The following PXMP4 variants were observed in gnomAD, a reference collection of about 807,000 sequenced individuals.
PXMP4 encodes 24 kDa peroxisomal intrinsic membrane protein.
In PXMP4, 16 loss-of-function variants were observed where a neutral mutation model predicts 21.6. The ratio of observed to expected loss-of-function variants is 0.74; its 90% CI spans 0.50 to 1.13. The LOEUF is 1.13. Ranked by LOEUF, PXMP4 falls within the 50% of genes most tolerant of loss-of-function variation. PXMP4 has a pLI of 0.00. For synonymous variants in PXMP4, 127 were observed against 123.8 expected, an observed-to-expected ratio of 1.03 and a Z score of -0.17; for missense variants, 240 against 277.7, an observed-to-expected ratio of 0.86 and a Z score of 0.96.
chr20:33,706,334 G>A lies in PXMP4; in HGVS notation c.*1372C>T, dbSNP rs2018256541. 6.6e-6 allele frequency: 1 copy of A among 151,828 alleles called. No individual in the cohort carries two copies. Among genetic ancestry groups the A allele is most frequent in the Non-Finnish European group, 1.5e-5 (1 of 67,968 alleles). The allele number at this position is 151,828 out of a possible 1,614,324, so 9.4% of individuals were successfully genotyped here. On this transcript the variant is annotated 3_prime_UTR_variant, in exon 4 of 4. Coordinates refer to ENST00000409299, the MANE Select transcript of PXMP4 (RefSeq NM_007238.5). ...AGGCTAGGGGCAGTGGCTCATGCCT[G>A]TAATCATGGCACTTTGGGAGACTGA...
intron 1 of PXMP4, 55 bp from the exon 2 acceptor site, chr20:33,714,791 T>A (rs551775755): frequency 1.3e-6 from 2 of 1,567,882 alleles, no homozygotes; most frequent in East Asian, 4.5e-5. Flanking sequence ...CACTTTCTTT[T>A]TGGGCTGTCC....
At chr20:33,709,449 C>T (rs1175088497) in intron 3 of PXMP4, among the ~76,000 whole-genome samples, 1 of 152,196 alleles carries the variant, frequency 6.6e-6, no homozygotes, top group Admixed American at 6.5e-5. Flanking sequence ...TTATGAAAAC[C>T]TTACTTCAGG....
At chr20:33,711,981 T>C (rs1403961314) in intron 2 of PXMP4, among the ~76,000 whole-genome samples, 1 of 136,146 alleles carries the variant, frequency 7.3e-6, no homozygotes, top group Non-Finnish European at 1.6e-5. Flanking sequence ...TCTCTAAAAA[T>C]TAAAAAAAAA....
At chr20:33,709,184 C>T (rs1204546854) in intron 3 of PXMP4, among the ~76,000 whole-genome samples, 2 of 152,104 alleles carry the variant, frequency 1.3e-5, no homozygotes, top group Non-Finnish European at 2.9e-5. Flanking sequence ...GTCCCAGCTA[C>T]TTGGGAGGCT....
intron 1 of PXMP4, among the ~76,000 whole-genome samples, chr20:33,718,878 G>C (rs1037861780): frequency 1.1e-4 from 16 of 152,254 alleles, no homozygotes; most frequent in South Asian, 2.1e-4. Context: ...AATAGATAAA[G>C]TTATGGCCTC....
chr20:33,719,950 TG>T (rs2018429619), intron 1 of PXMP4, 144 bp downstream of exon 1: 2 of 739,146 alleles, frequency 2.7e-6, no homozygotes, highest in Non-Finnish European at 4.3e-6. Context: ...CAGCTCCCAT[TG>T]CACAGATGGT....
Position 33,710,876 on chromosome 20 carries a change from C to T in PXMP4, c.177-123G>A. ...GAGTAATGCTCATTCAGTCACCGGC[C>T]TCTACCCTTCATGTTCTCTCCCTTG... On this transcript the variant is annotated intron_variant, in intron 2 of 3. Transcript: ENST00000409299. 4.2e-6 allele frequency: 4 copies of T among 950,988 alleles called. No individual in the cohort carries two copies. In the South Asian group the frequency reaches 7.1e-5, roughly 17 times the overall value. The allele number at this position is 950,988 out of a possible 1,614,324, so 58.9% of individuals were successfully genotyped here.
intron 1 of PXMP4, among the ~76,000 whole-genome samples, chr20:33,717,836 G>A (rs941805279): frequency 4.6e-5 from 7 of 151,876 alleles, no homozygotes; most frequent in African/African-American, 1.5e-4. Context: ...AAAGACAGTG[G>A]TATTTGGGCC....
intron 2 of PXMP4, among the ~76,000 whole-genome samples, chr20:33,714,407 T>C (rs2018362192): frequency 6.6e-6 from 1 of 151,988 alleles, no homozygotes; most frequent in African/African-American, 2.4e-5. Context: ...TAGTCCCAGC[T>C]ACTCAGGAGA....
At chr20:33,714,556 A>C in intron 2 of PXMP4, 118 bp downstream of exon 2, 1 of 1,035,612 alleles carries the variant, frequency 9.7e-7, no homozygotes, top group Non-Finnish European at 1.5e-6. Context: ...ACAACAAAAA[A>C]AGAGTTGAAC....
chr20:33,705,634 T>C lies in PXMP4; in HGVS notation c.*2072A>G, dbSNP rs1601200380. 6.6e-6 allele frequency: 1 copy of C among 150,576 alleles called. No homozygotes were observed. 9.3% of individuals were successfully genotyped at this position (150,576 alleles called of 1,614,324 possible). On this transcript the variant is annotated 3_prime_UTR_variant, in exon 4 of 4. Transcript: ENST00000409299. Reference sequence around the variant, plus strand: ...AAAAAAAAAAAAGAAAAAATCAGACTGGTACACAAGTCTCCAGTTCCCTAT... The same window carrying C: ...AAAAAAAAAAAAGAAAAAATCAGACCGGTACACAAGTCTCCAGTTCCCTAT...
rs1568919378 is a variant in PXMP4, at chr20:33,707,981, G to A, written c.376-12C>T. 1 of 1,606,354 alleles carries A rather than the reference G, an allele frequency of 6.2e-7. No individual in the cohort carries two copies. The highest frequency in any genetic ancestry group is 1.7e-5 in the Admixed American group (1 of 59,864). ...AGGTACATGTTGATCTGCAAAGAGG[G>A]AATGATGGGAATTACTGGTGATCAA... On this transcript the variant is annotated splice_polypyrimidine_tract_variant and intron_variant, in intron 3 of 3. Transcript: ENST00000409299.
intron 2 of PXMP4, among the ~76,000 whole-genome samples, chr20:33,711,016 T>A (rs961729788): frequency 1.3e-5 from 2 of 152,242 alleles, no homozygotes; most frequent in African/African-American, 4.8e-5. Context: ...TTCCTAGCTA[T>A]GGTCACCAAC....
intron 1 of PXMP4, among the ~76,000 whole-genome samples, chr20:33,719,306 C>T (rs2018421535): frequency 6.6e-6 from 1 of 152,190 alleles, no homozygotes; most frequent in Non-Finnish European, 1.5e-5. Context: ...TCCTCCAGAT[C>T]ACACGGGTAG....
chr20:33,714,321 C>A (rs1332815311), intron 2 of PXMP4, among the ~76,000 whole-genome samples: 1 of 152,156 alleles, frequency 6.6e-6, no homozygotes, highest in Admixed American at 6.6e-5. Context: ...GAGTTCAAGA[C>A]CAGCCTGGCC....
rs1040434530 is a variant in PXMP4 at position 33,720,163 on chromosome 20, G to A, written c.45C>T (p.Asn15=). 1.9e-6 allele frequency: 3 copies of A among 1,613,370 alleles called. No individual in the cohort carries two copies. In the African/African-American group the frequency reaches 4.0e-5, roughly 22 times the overall value. ...PQLRALLVVV[N]ALLRKRRYHA... is the part of the protein sequence containing the mutation. ...GGTAGCGGCGCTTGCGCAGCAGTGC[G>A]TTGACGACTACGAGCAGAGCCCTTA... Residue 15 remains asparagine (N), a synonymous_variant, in exon 1 of 4, where the codon AAC becomes AAT. Transcript: ENST00000409299.
chr20:33,705,754 G>A lies in PXMP4; in HGVS notation c.*1952C>T, dbSNP rs1455563600. On this transcript the variant is annotated 3_prime_UTR_variant, in exon 4 of 4. Transcript: ENST00000409299. ...CTTTCTGGCCCATATCCTATAATGA[G>A]CTAACATTTGCATAGCATGGCTTAG... 4.6e-5 allele frequency: 7 copies of A among 152,068 alleles called. No homozygotes were observed. 9.4% of individuals were successfully genotyped at this position (152,068 alleles called of 1,614,324 possible). A position where few individuals can be genotyped will look rare whatever the true frequency, so the allele number is the denominator to read the frequency against.
chr20:33,718,075 C>T (rs754470914), intron 1 of PXMP4, among the ~76,000 whole-genome samples: 4 of 152,202 alleles, frequency 2.6e-5, no homozygotes, highest in Non-Finnish European at 4.4e-5. Flanking sequence ...AGGTACCCAA[C>T]CCTGGTCTTA....
rs148199728 is a variant in PXMP4 at position 33,707,862 on chromosome 20, C to T, written c.483G>A (p.Ala161=). 2.4e-5 allele frequency: 39 copies of T among 1,614,026 alleles called. No individual in the cohort carries two copies. The highest frequency in any genetic ancestry group is 2.8e-5 in the Non-Finnish European group (33 of 1,180,054). Residue 161 remains alanine (A), a synonymous_variant, in exon 4 of 4, where the codon GCG becomes GCA. Transcript: ENST00000409299. ...PRWDPFPLLT[A]VVWGLVLWLF... ...GCCACAGCACCAGCCCCCACACCAC[C>T]GCAGTGAGCAGCGGGAACGGGTCCC...
Sources: gnomAD v4.1 joint callset for allele counts (sites outside exome capture counted in the v4.1 genomes callset) on GRCh38, gnomAD v4.1.1 for gene constraint, MANE v1.5 for transcripts, NCBI Gene and HGNC (gene_info 2026-07-23, HGNC 2026-07-21) for gene names.